The following RBFOX3 variants were observed in gnomAD, a reference collection of about 807,000 sequenced individuals.
RBFOX3 encodes the protein RNA binding protein fox-1 homolog 3.
Under a neutral mutation model 48.7 loss-of-function variants are expected in RBFOX3, and 17 were observed. The ratio of observed to expected loss-of-function variants is 0.35; its 90% CI spans 0.24 to 0.52. The LOEUF is 0.52. RBFOX3 is among the 20% of genes least tolerant of loss of function. The pLI, the probability that RBFOX3 is intolerant of heterozygous loss-of-function variation, is 0.94. For synonymous variants in RBFOX3, 212 were observed against 209.5 expected (o/e 1.01, Z -0.10); for missense variants, 382 against 497.5 (o/e 0.77, Z 2.21).
chr17:79,434,762 T>C (rs1185224561), intron 2 of RBFOX3, among the ~76,000 whole-genome samples: 2 of 152,210 alleles, frequency 1.3e-5, no homozygotes, highest in African/African-American at 4.8e-5. Context: ...ATCCTGACTC[T>C]GAACTTCAGA....
intron 1 of RBFOX3, among the ~76,000 whole-genome samples, chr17:79,514,223 G>A (rs1032983928): frequency 5.3e-5 from 8 of 152,226 alleles, no homozygotes; most frequent in African/African-American, 1.2e-4. Flanking sequence ...ACCTCCCAGC[G>A]TCCACACAGC....
At chr17:79,102,960 G>A (rs2076722533) in intron 8 of RBFOX3, among the ~76,000 whole-genome samples, 1 of 152,128 alleles carries the variant, frequency 6.6e-6, no homozygotes, top group African/African-American at 2.4e-5. Flanking sequence ...GGGACCTCGG[G>A]TGAGCCTGAA....
In RBFOX3 at chr17:79,198,147, G is replaced by A. The variant is rs986555560; in HGVS notation, c.-34+37619C>T. Reference sequence around the variant, plus strand: ...CCCGGAAGTGCTACGGTTGCATCGTGTGGGGTGGGCTGTCATCCCGGAAGT... The same window carrying A: ...CCCGGAAGTGCTACGGTTGCATCGTATGGGGTGGGCTGTCATCCCGGAAGT... On this transcript the variant is annotated intron_variant, in intron 4 of 14. Coordinates refer to ENST00000693108, the MANE Select transcript of RBFOX3 (RefSeq NM_001350451.2). The surrounding 1 kb of genome is among the most constrained non-coding windows in gnomAD (Gnocchi z 8.2). Among the ~76,000 whole-genome samples, 18 of 150,318 alleles carry A rather than the reference G, an allele frequency of 1.2e-4. No individual in the cohort carries two copies. Among genetic ancestry groups the A allele is most frequent in the Admixed American group, 4.0e-4 (6 of 15,158 alleles).
chr17:79,412,506 G>A (rs556023164), intron 2 of RBFOX3, among the ~76,000 whole-genome samples: 1 of 151,762 alleles, frequency 6.6e-6, no homozygotes, highest in African/African-American at 2.4e-5. Context: ...TGAGGGTATG[G>A]TGTGTATGAA....
At chr17:79,266,612 G>A (rs984162553) in intron 3 of RBFOX3, among the ~76,000 whole-genome samples, 9 of 152,036 alleles carry the variant, frequency 5.9e-5, no homozygotes, top group African/African-American at 2.2e-4. Context: ...ACTCTTGGTG[G>A]CCCCTAGATA....
chr17:79,440,069 A>T (rs2148993367), intron 2 of RBFOX3, among the ~76,000 whole-genome samples: 1 of 152,116 alleles, frequency 6.6e-6, no homozygotes, highest in East Asian at 1.9e-4. Context: ...ACTTGGGGGG[A>T]TCTGGGCTGA....
Position 79,097,332 on chromosome 17 carries a change from G to T in RBFOX3, c.715C>A (p.Arg239=). 3.2e-6 allele frequency: 5 copies of T among 1,546,900 alleles called. No homozygotes were observed. Among genetic ancestry groups the T allele is most frequent in the Non-Finnish European group, 4.4e-6 (5 of 1,144,884 alleles). ...ATGGGGGGTGGGGGTGGCGCAGCCC[G>T]AAATGTATTATACACGGCCCGGCCC... ...GRGRAVYNTF[R]AAPPPPPIPT... Residue 239 remains arginine (R), a synonymous_variant, in exon 11 of 15, where the codon CGG becomes AGG. Transcript: ENST00000693108.
At chr17:79,654,954 A>C in the RBFOX3 span, among the ~76,000 whole-genome samples, 1 of 152,366 alleles carries the variant, frequency 6.6e-6, no homozygotes, top group South Asian at 2.1e-4. Flanking sequence ...CAGGAAAAAC[A>C]GAATAAACTG....
rs192389518 is a variant in RBFOX3 at position 79,205,508 on chromosome 17, C to T, written c.-34+30258G>A. On this transcript the variant is annotated intron_variant, in intron 4 of 14. Coordinates refer to ENST00000693108, the MANE Select transcript of RBFOX3 (RefSeq NM_001350451.2). This position sits in a 1 kb window ranked among gnomAD's most constrained non-coding sequence, Gnocchi z 4.5. The stretch of plus-strand genomic sequence containing the variant: ...GAGCCTATAAAACCTCCCTAACCCC[C>T]AGCTAAGACAGGAAATCAGAAAAAA... Among the ~76,000 whole-genome samples, 1 of 152,132 alleles carries T rather than the reference C, an allele frequency of 6.6e-6. No homozygotes were observed. The highest frequency in any genetic ancestry group is 2.4e-5 in the African/African-American group (1 of 41,418).
chr17:79,658,320 T>C, the RBFOX3 span, among the ~76,000 whole-genome samples: 7 of 49,580 alleles, frequency 1.4e-4, no homozygotes, highest in East Asian at 6.1e-4. Context: ...CTCCCCCATC[T>C]CTCTCTCCCT....
chr17:79,659,957 C>G, the RBFOX3 span, among the ~76,000 whole-genome samples: 1 of 152,072 alleles, frequency 6.6e-6, no homozygotes, highest in Admixed American at 6.6e-5. Context: ...GAGGCTGAGG[C>G]GGGCAGATCA....
intron 3 of RBFOX3, among the ~76,000 whole-genome samples, chr17:79,240,776 G>T (rs1253370056): frequency 6.7e-6 from 1 of 150,258 alleles, no homozygotes; most frequent in Non-Finnish European, 1.5e-5. Flanking sequence ...CCATTCTCCT[G>T]CCTCAGCCTT....
At chr17:79,266,874 A>G (rs4789979) in intron 3 of RBFOX3, among the ~76,000 whole-genome samples, 54,897 of 152,018 alleles carry the variant, frequency 0.36, 10,294 homozygotes, top group Middle Eastern at 0.56. Flanking sequence ...GTGAGGGCAT[A>G]GGAGCTCCGC....
At chr17:79,136,126 C>T (rs1376378871) in intron 4 of RBFOX3, 1 of 152,312 alleles carries the variant, frequency 6.6e-6, no homozygotes. Context: ...CACGTGCCGA[C>T]CTCAGAGACG....
Position 79,220,158 on chromosome 17 carries a change from C to T in RBFOX3, c.-34+15608G>A, listed in dbSNP as rs891749261. 6.6e-6 allele frequency among the ~76,000 whole-genome samples: 1 copy of T among 152,208 alleles called. No individual in the cohort carries two copies. The highest frequency in any genetic ancestry group is 2.4e-5 in the African/African-American group (1 of 41,444). On this transcript the variant is annotated intron_variant, in intron 4 of 14. Coordinates refer to ENST00000693108, the MANE Select transcript of RBFOX3 (RefSeq NM_001350451.2). This position sits in a 1 kb window ranked among gnomAD's most constrained non-coding sequence, Gnocchi z 5.9. ...ATCTGCCCAGAGTGAGAAAGCAACA[C>T]GCAGTCCACGCTTGGTACATACCCA...
chr17:79,223,355 G>A (rs1434014556), intron 4 of RBFOX3, among the ~76,000 whole-genome samples: 1 of 152,148 alleles, frequency 6.6e-6, no homozygotes, highest in East Asian at 1.9e-4. Flanking sequence ...ACACATGCAT[G>A]GATGCCCTTA....
In RBFOX3 at chr17:79,420,156, CACACACACACACACACACAA is replaced by C. The variant is rs1555721455; in HGVS notation, c.-175+62278_-175+62297del. Among the ~76,000 whole-genome samples, 141 of 151,118 alleles carry C rather than the reference CACACACACACACACACACAA, an allele frequency of 9.3e-4. 1 individual carries two copies. The highest frequency in any genetic ancestry group is 2.1e-3 in the African/African-American group (86 of 40,900). On this transcript the variant is annotated intron_variant, in intron 2 of 14. Transcript: ENST00000693108. The stretch of plus-strand genomic sequence containing the variant: ...ACACACACACACACACACACACACA[CACACACACACACACACACAA>C]AAGATGGTTAACAGGTGTGCCTCCT...
In RBFOX3 at chr17:79,311,198, C is replaced by T. The variant is rs574800830; in HGVS notation, c.-174-3374G>A. ...CTATAATCCCAGCACTTTGGGAGGC[C>T]GAGGCGGGTAGATCACCTGAGGTCA... On this transcript the variant is annotated intron_variant, in intron 2 of 14. Coordinates refer to ENST00000693108, the MANE Select transcript of RBFOX3 (RefSeq NM_001350451.2). The surrounding 1 kb of genome is among the most constrained non-coding windows in gnomAD (Gnocchi z 4.2). Among the ~76,000 whole-genome samples, 5 of 152,176 alleles carry T rather than the reference C, an allele frequency of 3.3e-5. No individual in the cohort carries two copies. The highest frequency in any genetic ancestry group is 4.2e-4 in the South Asian group (2 of 4,808).
intron 5 of RBFOX3, among the ~76,000 whole-genome samples, chr17:79,113,571 G>T (rs56044629): frequency 0.13 from 20,377 of 152,164 alleles, 1,472 homozygotes; most frequent in East Asian, 0.24. Flanking sequence ...ACCTGGACAC[G>T]CTTCCTGGGA....
Sources: allele counts gnomAD v4.1 joint callset (sites outside exome capture counted in the v4.1 genomes callset), GRCh38; gene constraint gnomAD v4.1.1; non-coding constraint Gnocchi (gnomAD v3.1); transcripts MANE v1.5; gene names NCBI Gene and HGNC (gene_info 2026-07-23, HGNC 2026-07-21).